GALNT2: variants seen among roughly 807,000 people sequenced by gnomAD.
GALNT2 encodes the protein UDP-GalNAc:polypeptide N-acetylgalactosaminyltransferase 2.
Under a neutral mutation model 81.4 loss-of-function variants are expected in GALNT2, and 31 were observed. That is an observed-to-expected ratio of 0.38 (90% CI 0.29 to 0.51). GALNT2 has a LOEUF of 0.51. Among genes scored for constraint, GALNT2 ranks in the 20% least tolerant of loss-of-function variants. The probability of loss-of-function intolerance (pLI) is 0.87; values close to 1 mark genes in which losing one functional copy is unlikely to be tolerated. For missense variants in GALNT2, 629 were observed against 765.7 expected (o/e 0.82, Z 2.11); for synonymous variants, 303 against 287.4 (o/e 1.05, Z -0.55).
rs528328078 is a variant in GALNT2, at chr1:230,251,689, G to A, written c.1009+1129G>A. On this transcript the variant is annotated intron_variant, in intron 10 of 15. Transcript: ENST00000366672. ...AGAGAGTTCTGTCACCCTGTTCCAT[G>A]GGTATCCCCTAATGGTTTAGTGGAA... Among the ~76,000 whole-genome samples the A allele has an allele frequency of 2.0e-5, 3 of 152,310 alleles. No individual in the cohort carries two copies. The East Asian group carries it at 5.8e-4, about 29-fold the overall frequency.
At chr1:230,093,171 G>A (rs1660145555) in intron 1 of GALNT2, among the ~76,000 whole-genome samples, 1 of 152,234 alleles carries the variant, frequency 6.6e-6, no homozygotes, top group Non-Finnish European at 1.5e-5. Context: ...AGCAAGAAAG[G>A]AAGCATGTTG....
intron 1 of GALNT2, among the ~76,000 whole-genome samples, chr1:230,100,310 CTTTTTTTTTT>C (rs573478928): frequency 1.2e-5 from 1 of 85,776 alleles, no homozygotes. Flanking sequence ...CTTTTTATTC[CTTTTTTTTTT>C]TTTTTTTTTT....
At chr1:230,175,032 A>G (rs1662917645) in intron 1 of GALNT2, among the ~76,000 whole-genome samples, 1 of 152,156 alleles carries the variant, frequency 6.6e-6, no homozygotes, top group Non-Finnish European at 1.5e-5. Flanking sequence ...ACAGGCCAAG[A>G]TGCCTGGCCC....
At chr1:230,120,677 C>G (rs942971032) in intron 1 of GALNT2, among the ~76,000 whole-genome samples, 5 of 152,206 alleles carry the variant, frequency 3.3e-5, no homozygotes, top group African/African-American at 4.8e-5. Flanking sequence ...GTCACCCAAA[C>G]AACAGCATTC....
intron 1 of GALNT2, among the ~76,000 whole-genome samples, chr1:230,114,171 G>T (rs1317781504): frequency 6.6e-6 from 1 of 152,132 alleles, no homozygotes; most frequent in Non-Finnish European, 1.5e-5. Context: ...TCTTGGAAAC[G>T]GGCCACAGTG....
At chr1:230,227,328 T>C (rs41434056) in intron 3 of GALNT2, among the ~76,000 whole-genome samples, 7,357 of 152,040 alleles carry the variant, frequency 0.048, 209 homozygotes, top group Non-Finnish European at 0.064. Flanking sequence ...TTCAGTAGTA[T>C]CTAGCTATGA....
chr1:230,134,555 C>T (rs1661477043), intron 1 of GALNT2, among the ~76,000 whole-genome samples: 1 of 152,226 alleles, frequency 6.6e-6, no homozygotes, highest in Non-Finnish European at 1.5e-5. Context: ...CCCTCTCAAA[C>T]CTCCCCTCAT....
intron 1 of GALNT2, among the ~76,000 whole-genome samples, chr1:230,141,788 CTTTTTTT>C (rs60824749): frequency 8.9e-5 from 9 of 101,326 alleles, no homozygotes; most frequent in South Asian, 3.7e-4. Flanking sequence ...TTTTGTTTTC[CTTTTTTT>C]TTTTTTTTTT....
rs1491302416 is a variant in GALNT2, at chr1:230,121,966, TTC to T, written c.126+54561_126+54562del. 6.0e-3 allele frequency among the ~76,000 whole-genome samples: 897 copies of T among 148,418 alleles called. 13 individuals are homozygous for T. Among genetic ancestry groups the T allele is most frequent in the African/African-American group, 0.021 (829 of 39,510 alleles). ...TGTTATGCTTTTTTTTTTTTTTTTTTTCAAGGGACAGGGTCTTACTCTGTTGC... is the reference window on the plus strand; with the variant it reads ...TGTTATGCTTTTTTTTTTTTTTTTTTAAGGGACAGGGTCTTACTCTGTTGC... On this transcript the variant is annotated intron_variant, in intron 1 of 15. Transcript: ENST00000366672.
In GALNT2 at chr1:230,070,258, A is replaced by G. The variant is rs553857073; in HGVS notation, c.126+2852A>G. ...TTGTGTCCATACCCTTTCCCCCCAT[A>G]TTTTGCTCTTTCCCCCTAAATTGAT... On this transcript the variant is annotated intron_variant, in intron 1 of 15. Coordinates refer to ENST00000366672, the MANE Select transcript of GALNT2 (RefSeq NM_004481.5). This position sits in a 1 kb window ranked among gnomAD's most constrained non-coding sequence, Gnocchi z 4.7. Among the ~76,000 whole-genome samples the G allele has an allele frequency of 6.6e-6, 1 of 151,680 alleles. No homozygotes were observed. The highest frequency in any genetic ancestry group is 1.5e-5 in the Non-Finnish European group (1 of 67,924).
intron 3 of GALNT2, among the ~76,000 whole-genome samples, chr1:230,233,513 T>C (rs1454937216): frequency 6.6e-6 from 1 of 152,072 alleles, no homozygotes; most frequent in Non-Finnish European, 1.5e-5. Flanking sequence ...CTCGGGAGGC[T>C]GAGGCAGGAG....
intron 2 of GALNT2, among the ~76,000 whole-genome samples, chr1:230,189,268 G>T (rs1294277767): frequency 6.6e-6 from 1 of 152,156 alleles, no homozygotes; most frequent in Non-Finnish European, 1.5e-5. Flanking sequence ...AGGCCGTCTG[G>T]ATTCTCCTTG....
intron 10 of GALNT2, among the ~76,000 whole-genome samples, chr1:230,253,232 AT>A (rs961859787): frequency 3.9e-5 from 6 of 152,156 alleles, no homozygotes; most frequent in Admixed American, 1.3e-4. Context: ...GTAACCATAC[AT>A]TTTCTATTAG....
chr1:230,109,005 A>G (rs1660620929), intron 1 of GALNT2, among the ~76,000 whole-genome samples: 1 of 152,234 alleles, frequency 6.6e-6, no homozygotes. Flanking sequence ...GTAGAGCAGG[A>G]TATATATGTT....
intron 3 of GALNT2, among the ~76,000 whole-genome samples, chr1:230,217,882 C>G (rs1664438016): frequency 6.6e-6 from 1 of 152,204 alleles, no homozygotes; most frequent in Non-Finnish European, 1.5e-5. Context: ...TCTGTCACCA[C>G]TACATTGGCT....
intron 1 of GALNT2, among the ~76,000 whole-genome samples, chr1:230,097,448 C>T (rs1660284390): frequency 6.6e-6 from 1 of 152,178 alleles, no homozygotes; most frequent in Admixed American, 6.5e-5. Context: ...TACTTTCTGT[C>T]TCCGAATCTG....
chr1:230,141,881 G>A (rs970055962), intron 1 of GALNT2, among the ~76,000 whole-genome samples: 67 of 135,638 alleles, frequency 4.9e-4, no homozygotes, highest in African/African-American at 1.5e-3. Flanking sequence ...AGCATCAAAC[G>A]CCTGGGCTTA....
chr1:230,175,581 C>T (rs1255177985), intron 1 of GALNT2, among the ~76,000 whole-genome samples: 2 of 108,310 alleles, frequency 1.8e-5, no homozygotes, highest in African/African-American at 4.1e-5. Context: ...TCTGCCTCCT[C>T]CCCTCCTCGT....
chr1:230,150,115 G>A (rs1662046894), intron 1 of GALNT2, among the ~76,000 whole-genome samples: 1 of 152,228 alleles, frequency 6.6e-6, no homozygotes, highest in African/African-American at 2.4e-5. Flanking sequence ...ACCTAGGAGG[G>A]TGCTCTCCAT....
Sources: allele counts gnomAD v4.1 joint callset (sites outside exome capture counted in the v4.1 genomes callset), GRCh38; gene constraint gnomAD v4.1.1; non-coding constraint Gnocchi (gnomAD v3.1); transcripts MANE v1.5; gene names NCBI Gene and HGNC (gene_info 2026-07-23, HGNC 2026-07-21).